The following TENM4 variants were observed in gnomAD, a reference collection of about 807,000 sequenced individuals.
The protein encoded by TENM4 is teneurin transmembrane protein 4.
A neutral mutation model predicts 243.3 loss-of-function variants in TENM4; 82 were observed. That is an observed-to-expected ratio of 0.34 (90% CI 0.28 to 0.40). TENM4 has a LOEUF of 0.40. Ranked by LOEUF, TENM4 falls within the 10% of genes least tolerant of loss-of-function variation. The pLI, the probability that TENM4 is intolerant of heterozygous loss-of-function variation, is 1.00. For synonymous variants in TENM4, 1,412 were observed against 1,456.3 expected, an observed-to-expected ratio of 0.97 and a Z score of 0.69; for missense variants, 3,138 against 3,673.3, an observed-to-expected ratio of 0.85 and a Z score of 3.77.
chr11:79,192,534 C>T (rs1467870956), intron 3 of TENM4, among the ~76,000 whole-genome samples: 5 of 152,052 alleles, frequency 3.3e-5, no homozygotes, highest in Non-Finnish European at 4.4e-5. Flanking sequence ...AAGGGCGGTG[C>T]AAGATGTGCT....
chr11:79,181,092 T>C (rs1371966912), intron 3 of TENM4, among the ~76,000 whole-genome samples: 1 of 152,118 alleles, frequency 6.6e-6, no homozygotes, highest in East Asian at 1.9e-4. Flanking sequence ...ACTCATTCCA[T>C]GAGGCCAGCA....
At chr11:78,668,826 A>C in intron 32 of TENM4, 111 bp downstream of exon 32, 1 of 1,351,090 alleles carries the variant, frequency 7.4e-7, no homozygotes. Context: ...CTCTAAGAGA[A>C]AGTCAGTGTT....
At chr11:78,932,650 T>C (rs2136427116) in intron 6 of TENM4, among the ~76,000 whole-genome samples, 1 of 152,288 alleles carries the variant, frequency 6.6e-6, no homozygotes, top group Non-Finnish European at 1.5e-5. Context: ...GTCCCCAACC[T>C]TTTTGGAACC....
intron 1 of TENM4, among the ~76,000 whole-genome samples, chr11:79,360,439 C>T (rs1455813680): frequency 6.6e-6 from 1 of 152,184 alleles, no homozygotes; most frequent in Non-Finnish European, 1.5e-5. Context: ...GGAACCTCTC[C>T]CTCCTCAGTT....
intron 3 of TENM4, among the ~76,000 whole-genome samples, chr11:79,170,479 T>C (rs1324870600): frequency 6.6e-6 from 1 of 152,156 alleles, no homozygotes; most frequent in East Asian, 1.9e-4. Flanking sequence ...GCAGATGTAA[T>C]TAGTTTAGTT....
intron 6 of TENM4, among the ~76,000 whole-genome samples, chr11:79,041,288 T>C (rs1283333042): frequency 3.9e-5 from 6 of 152,104 alleles, no homozygotes; most frequent in Non-Finnish European, 8.8e-5. Context: ...GGTCTTGAAT[T>C]CCTGACCTCA....
chr11:79,074,642 GACATCCCAT>G (rs1860491911), intron 4 of TENM4, among the ~76,000 whole-genome samples: 1 of 152,176 alleles, frequency 6.6e-6, no homozygotes, highest in Non-Finnish European at 1.5e-5. Context: ...CCATTTGCCA[GACATCCCAT>G]ACTCTTTAAC....
intron 18 of TENM4, 111 bp from the exon 19 acceptor site, chr11:78,757,132 T>C: frequency 8.3e-7 from 1 of 1,203,042 alleles, no homozygotes; most frequent in Non-Finnish European, 1.1e-6. Context: ...AAAAACTTTA[T>C]TAAATGCTGA....
chr11:78,668,899 T>A (rs369907421), intron 32 of TENM4, 38 bp downstream of exon 32: 1 of 1,579,388 alleles, frequency 6.3e-7, no homozygotes, highest in Middle Eastern at 1.7e-4. Context: ...TAAGAGCACT[T>A]TATGGGGTCC....
intron 1 of TENM4, among the ~76,000 whole-genome samples, chr11:79,384,348 G>A (rs898391089): frequency 1.3e-5 from 2 of 152,166 alleles, no homozygotes; most frequent in Admixed American, 6.5e-5. Flanking sequence ...CCTGGTCTGC[G>A]TCCAGCCTCG....
chr11:79,213,676 C>T (rs1302213818), intron 3 of TENM4, among the ~76,000 whole-genome samples: 1 of 152,182 alleles, frequency 6.6e-6, no homozygotes, highest in African/African-American at 2.4e-5. Flanking sequence ...GGAGAGAAAG[C>T]CCCCGGTGAG....
At chr11:79,014,241 T>A (rs1858717442) in intron 6 of TENM4, among the ~76,000 whole-genome samples, 1 of 152,184 alleles carries the variant, frequency 6.6e-6, no homozygotes, top group African/African-American at 2.4e-5. Flanking sequence ...GTCATCATGA[T>A]GCTTGAGCCA....
intron 25 of TENM4, among the ~76,000 whole-genome samples, chr11:78,713,074 C>G (rs2135806846): frequency 6.6e-6 from 1 of 152,272 alleles, no homozygotes; most frequent in Middle Eastern, 3.4e-3. Flanking sequence ...CCACTGGTGT[C>G]CCGTTCATTC....
intron 26 of TENM4, among the ~76,000 whole-genome samples, chr11:78,711,495 G>T (rs908718746): frequency 6.6e-6 from 1 of 152,156 alleles, no homozygotes; most frequent in Admixed American, 6.5e-5. Context: ...CTCCTGCTTT[G>T]ATTTGAAACT....
intron 4 of TENM4, among the ~76,000 whole-genome samples, chr11:79,082,077 T>A (rs1860689715): frequency 6.6e-6 from 1 of 152,182 alleles, no homozygotes; most frequent in African/African-American, 2.4e-5. Flanking sequence ...TCTTCCCCAA[T>A]GCTAAGAACA....
chr11:79,047,473 G>A (rs1859686707), intron 6 of TENM4, among the ~76,000 whole-genome samples: 3 of 152,202 alleles, frequency 2.0e-5, no homozygotes, highest in African/African-American at 7.2e-5. Context: ...CACTTTGCTG[G>A]TGCAATGACA....
intron 4 of TENM4, among the ~76,000 whole-genome samples, chr11:79,122,037 A>G (rs1015776960): frequency 1.3e-5 from 2 of 152,182 alleles, no homozygotes; most frequent in African/African-American, 4.8e-5. Flanking sequence ...AAAAATACTA[A>G]GGTAAAATTT....
At chr11:78,686,013 C>T (rs1448112389) in intron 29 of TENM4, among the ~76,000 whole-genome samples, 2 of 152,246 alleles carry the variant, frequency 1.3e-5, no homozygotes, top group East Asian at 1.9e-4. Flanking sequence ...CTCTGCCTCT[C>T]TCTCTGACCT....
At chr11:78,846,520 C>A (rs1251438086) in intron 12 of TENM4, among the ~76,000 whole-genome samples, 1 of 152,200 alleles carries the variant, frequency 6.6e-6, no homozygotes, top group Non-Finnish European at 1.5e-5. Context: ...GTCTACCACT[C>A]TGGACTTGCT....
Sources: gnomAD v4.1 joint callset for allele counts (sites outside exome capture counted in the v4.1 genomes callset) on GRCh38, gnomAD v4.1.1 for gene constraint, MANE v1.5 for transcripts, NCBI Gene and HGNC (gene_info 2026-07-23, HGNC 2026-07-21) for gene names.